FHIT: variants seen among roughly 807,000 people sequenced by gnomAD.
The protein encoded by FHIT is fragile histidine triad diadenosine triphosphatase, also known as bis(5'-adenosyl)-triphosphatase.
In FHIT, 19 loss-of-function variants were observed where a neutral mutation model predicts 17.9. The observed-to-expected ratio is 1.06, with a 90% confidence interval of 0.74 to 1.56. The LOEUF is 1.56. Among genes scored for constraint, FHIT ranks in the 40% most tolerant of loss-of-function variants. The pLI is 0.00. For synonymous variants in FHIT, 81 were observed against 69.7 expected, an observed-to-expected ratio of 1.16 and a Z score of -0.81; for missense variants, 248 against 189.2, an observed-to-expected ratio of 1.31 and a Z score of -1.82.
At chr3:60,626,471 C>T (rs993446901) in intron 4 of FHIT, among the ~76,000 whole-genome samples, 26 of 151,964 alleles carry the variant, frequency 1.7e-4, no homozygotes, top group Non-Finnish European at 1.2e-4. Flanking sequence ...TTTTGATGCC[C>T]TCATAAATGG....
At chr3:59,854,134 A>G (rs1020173232) in intron 8 of FHIT, among the ~76,000 whole-genome samples, 2 of 152,220 alleles carry the variant, frequency 1.3e-5, no homozygotes, top group Non-Finnish European at 2.9e-5. Flanking sequence ...ATTGATTGGT[A>G]TCAAAAGTCG....
chr3:60,591,208 T>G lies in FHIT; in HGVS notation c.-17-54229A>C, dbSNP rs116789111. On this transcript the variant is annotated intron_variant, in intron 4 of 9. Transcript: ENST00000492590. ...ATTACAAATACATTTTCACCAACTC[T>G]GAAAAACCAAGTGGACATTTAACAG... Among the ~76,000 whole-genome samples the G allele has an allele frequency of 5.9e-3, 904 of 152,186 alleles. 11 individuals are homozygous for G. Among genetic ancestry groups the G allele is most frequent in the African/African-American group, 0.02 (840 of 41,566 alleles).
chr3:60,730,159 T>C (rs2041998450), intron 4 of FHIT: 1 of 437,132 alleles, frequency 2.3e-6, no homozygotes, highest in African/African-American at 2.1e-5. Context: ...CACTGGGCTG[T>C]TTGTGTTGTC....
At chr3:60,905,165 C>A (rs1277374160) in intron 3 of FHIT, among the ~76,000 whole-genome samples, 1 of 151,928 alleles carries the variant, frequency 6.6e-6, no homozygotes, top group African/African-American at 2.4e-5. Context: ...ACACAGGAAC[C>A]CTTTACTATC....
intron 3 of FHIT, among the ~76,000 whole-genome samples, chr3:60,990,584 TTTTATAA>T (rs1437121160): frequency 6.6e-6 from 1 of 152,242 alleles, no homozygotes; most frequent in African/African-American, 2.4e-5. Flanking sequence ...ATTCTAGTAT[TTTTATAA>T]TAAGCAATAA....
chr3:60,526,294 C>G (rs987899549), intron 5 of FHIT, among the ~76,000 whole-genome samples: 1 of 152,032 alleles, frequency 6.6e-6, no homozygotes, highest in Non-Finnish European at 1.5e-5. Flanking sequence ...GTCTCGCCCC[C>G]GTTTGTTTCT....
intron 8 of FHIT, among the ~76,000 whole-genome samples, chr3:59,806,201 G>T (rs1206143420): frequency 1.3e-5 from 2 of 151,882 alleles, no homozygotes; most frequent in Non-Finnish European, 2.9e-5. Context: ...AAGATCATGG[G>T]GAATAATCTA....
At chr3:60,570,927 C>A (rs528576122) in intron 4 of FHIT, among the ~76,000 whole-genome samples, 1 of 151,996 alleles carries the variant, frequency 6.6e-6, no homozygotes, top group East Asian at 1.9e-4. Flanking sequence ...AGAAGACTGG[C>A]AAGCAAGACC....
chr3:59,912,538 C>T (rs73841807), intron 8 of FHIT, among the ~76,000 whole-genome samples: 3,800 of 151,364 alleles, frequency 0.025, 176 homozygotes, highest in African/African-American at 0.086. Flanking sequence ...TTTAGAGTCG[C>T]TAAAAGGAAA....
At chr3:60,340,859 T>C (rs1710480671) in intron 5 of FHIT, among the ~76,000 whole-genome samples, 1 of 152,012 alleles carries the variant, frequency 6.6e-6, no homozygotes. Context: ...GCCTGGCTAA[T>C]TTTTGTATTT....
intron 8 of FHIT, among the ~76,000 whole-genome samples, chr3:59,848,205 T>C (rs1701793309): frequency 6.6e-6 from 1 of 152,202 alleles, no homozygotes; most frequent in Non-Finnish European, 1.5e-5. Context: ...GGGTAGTTAT[T>C]ACTGTGCTAA....
chr3:60,972,465 A>G (rs887663706), intron 3 of FHIT, among the ~76,000 whole-genome samples: 1 of 151,468 alleles, frequency 6.6e-6, no homozygotes, highest in Non-Finnish European at 1.5e-5. Context: ...CTTTGAAAAT[A>G]TATCTTTTTT....
chr3:61,128,773 TG>T lies in FHIT; in HGVS notation c.-164+71843del, dbSNP rs747201031. Among the ~76,000 whole-genome samples the T allele has an allele frequency of 6.7e-4, 102 of 152,046 alleles. 2 individuals are homozygous for T. The highest frequency in any genetic ancestry group is 1.8e-3 in the African/African-American group (75 of 41,402). On this transcript the variant is annotated intron_variant, in intron 2 of 9. Transcript: ENST00000492590. ...CACTTATCTTGTGAAAAAACAAGGT[TG>T]TTTTTTTTTTTCTTAATTCTCAATG...
chr3:60,427,298 C>A (rs1298989646), intron 5 of FHIT, among the ~76,000 whole-genome samples: 2 of 152,018 alleles, frequency 1.3e-5, no homozygotes, highest in African/African-American at 4.8e-5. Context: ...CCCAGTCCTA[C>A]AATCACAAGG....
At chr3:60,699,086 G>A (rs1480633439) in intron 4 of FHIT, among the ~76,000 whole-genome samples, 1 of 152,006 alleles carries the variant, frequency 6.6e-6, no homozygotes, top group African/African-American at 2.4e-5. Context: ...CCTTTTAAAT[G>A]TTTTATGGGT....
intron 3 of FHIT, among the ~76,000 whole-genome samples, chr3:61,040,948 T>C (rs891480300): frequency 6.6e-6 from 1 of 152,180 alleles, no homozygotes; most frequent in African/African-American, 2.4e-5. Flanking sequence ...TGGGGCTTCT[T>C]ATCCTTGGCA....
intron 5 of FHIT, among the ~76,000 whole-genome samples, chr3:60,399,577 T>C (rs965549116): frequency 6.6e-6 from 1 of 152,122 alleles, no homozygotes; most frequent in African/African-American, 2.4e-5. Flanking sequence ...AACAATCACA[T>C]ACACAATGAA....
chr3:60,009,165 ATG>A (rs753809976), intron 7 of FHIT, among the ~76,000 whole-genome samples: 4,637 of 53,214 alleles, frequency 0.087, 67 homozygotes, highest in Non-Finnish European at 0.11. Flanking sequence ...CTGGGATTTT[ATG>A]TGTGTGTGTG....
chr3:60,454,092 T>C (rs1191882286), intron 5 of FHIT, among the ~76,000 whole-genome samples: 2 of 152,204 alleles, frequency 1.3e-5, no homozygotes, highest in Non-Finnish European at 2.9e-5. Context: ...ATGATGATCA[T>C]TAATGTCATC....
Sources: allele counts gnomAD v4.1 joint callset (sites outside exome capture counted in the v4.1 genomes callset), GRCh38; gene constraint gnomAD v4.1.1; transcripts MANE v1.5; gene names NCBI Gene and HGNC (gene_info 2026-07-23, HGNC 2026-07-21).